The following KLRD1 variants were observed in gnomAD, a reference collection of about 807,000 sequenced individuals.
KLRD1 encodes killer cell lectin like receptor D1, also known as natural killer cells antigen CD94.
A neutral mutation model predicts 22.6 loss-of-function variants in KLRD1; 21 were observed. That is an observed-to-expected ratio of 0.93 (90% CI 0.66 to 1.34). KLRD1 has a LOEUF of 1.34. KLRD1 is among the 40% of genes most tolerant of loss of function. The pLI, the probability that KLRD1 is intolerant of heterozygous loss-of-function variation, is 0.00. For missense variants in KLRD1, 183 were observed against 208.6 expected, an observed-to-expected ratio of 0.88 and a Z score of 0.76; for synonymous variants, 59 against 71.1, an observed-to-expected ratio of 0.83 and a Z score of 0.85.
intron 1 of KLRD1, among the ~76,000 whole-genome samples, chr12:10,285,944 CCTT>C (rs1328662854): frequency 1.3e-5 from 2 of 152,178 alleles, no homozygotes; most frequent in Admixed American, 6.5e-5. Context: ...CTTCTCTCCT[CCTT>C]AAGCTGTGTC....
chr12:10,256,442 T>C (rs6488278), intron 1 of KLRD1, among the ~76,000 whole-genome samples: 111,329 of 136,950 alleles, frequency 0.81, 48,866 homozygotes, highest in Non-Finnish European at 0.97. Flanking sequence ...TTTTTTTTTT[T>C]GTAGAGACAC....
chr12:10,280,837 G>A (rs1419288515), intron 1 of KLRD1, among the ~76,000 whole-genome samples: 4 of 152,118 alleles, frequency 2.6e-5, no homozygotes, highest in Non-Finnish European at 5.9e-5. Context: ...AGCCTGTGGT[G>A]GTAGAGTTGT....
intron 1 of KLRD1, among the ~76,000 whole-genome samples, chr12:10,277,526 T>G (rs1949603232): frequency 6.6e-6 from 1 of 152,154 alleles, no homozygotes; most frequent in African/African-American, 2.4e-5. Flanking sequence ...AAGCTGAATT[T>G]GTGAATTTGG....
intron 1 of KLRD1, among the ~76,000 whole-genome samples, chr12:10,254,546 G>A (rs2927559): frequency 0.038 from 5,786 of 151,242 alleles, 386 homozygotes; most frequent in African/African-American, 0.13. Context: ...CCAGCATCTC[G>A]AAGGAACTTA....
intron 1 of KLRD1, among the ~76,000 whole-genome samples, chr12:10,268,848 T>C (rs1949523618): frequency 6.6e-6 from 1 of 152,220 alleles, no homozygotes; most frequent in African/African-American, 2.4e-5. Flanking sequence ...TTATTTCCTT[T>C]TCTCCTATTG....
At chr12:10,250,027 C>T (rs954950552) in intron 1 of KLRD1, among the ~76,000 whole-genome samples, 3 of 152,112 alleles carry the variant, frequency 2.0e-5, no homozygotes, top group Non-Finnish European at 4.4e-5. Flanking sequence ...ACTTGTTGTA[C>T]ATACGTTGTC....
intron 1 of KLRD1, chr12:10,308,461 C>A (rs1307884495): frequency 8.9e-6 from 2 of 224,370 alleles, no homozygotes; most frequent in Admixed American, 5.1e-5. Context: ...GTTGTGACAT[C>A]CAAAAATTAC....
chr12:10,316,022 T>C lies in KLRD1; in HGVS notation c.*1229T>C, dbSNP rs1950216421. 6.8e-6 allele frequency: 1 copy of C among 146,874 alleles called. No homozygotes were observed. Among genetic ancestry groups the C allele is most frequent in the Admixed American group, 7.0e-5 (1 of 14,206 alleles). 9.1% of individuals were successfully genotyped at this position (146,874 alleles called of 1,614,324 possible). A position where few individuals can be genotyped will look rare whatever the true frequency, so the allele number is the denominator to read the frequency against. ...AATCCCAGCTATTTGGGAGGCTGAG[T>C]CGAGAGGATCGCTTGAACCTAGGAG... On this transcript the variant is annotated 3_prime_UTR_variant, in exon 6 of 6. Coordinates refer to ENST00000336164, the MANE Select transcript of KLRD1 (RefSeq NM_002262.5).
At chr12:10,270,942 C>G (rs1019259782) in intron 1 of KLRD1, among the ~76,000 whole-genome samples, 2 of 152,030 alleles carry the variant, frequency 1.3e-5, no homozygotes, top group African/African-American at 4.8e-5. Context: ...TACCACCATG[C>G]CCGGCTAATT....
upstream of KLRD1, among the ~76,000 whole-genome samples, chr12:10,300,297 A>G (rs1244592362): frequency 2.0e-5 from 3 of 152,236 alleles, no homozygotes; most frequent in African/African-American, 7.2e-5. Flanking sequence ...TTAAAAGTTG[A>G]AATGACTCCT....
At chr12:10,286,224 G>A (rs1949701241) in intron 1 of KLRD1, among the ~76,000 whole-genome samples, 1 of 152,180 alleles carries the variant, frequency 6.6e-6, no homozygotes, top group Non-Finnish European at 1.5e-5. Context: ...AGGTCTCACA[G>A]GGGTCCAGGG....
In KLRD1 at chr12:10,325,886, C is replaced by T. The variant is rs781773364; in HGVS notation, c.*11093C>T. The T allele has an allele frequency of 1.3e-5, 2 of 152,092 alleles. No individual in the cohort carries two copies. Among genetic ancestry groups the T allele is most frequent in the Non-Finnish European group, 2.9e-5 (2 of 68,020 alleles). The allele number at this position is 152,092 out of a possible 1,614,324, so 9.4% of individuals were successfully genotyped here. A position where few individuals can be genotyped will look rare whatever the true frequency, so the allele number is the denominator to read the frequency against. On this transcript the variant is annotated 3_prime_UTR_variant, in exon 6 of 6. Transcript: ENST00000336164. ...TATTTTTAATTTTTTGAGAAATCAC[C>T]ATCCTGTTTTCCACAGAAGCAGCAC...
chr12:10,312,964 G>A lies in KLRD1; in HGVS notation c.316-446G>A, dbSNP rs373718535. 7.9e-5 allele frequency among the ~76,000 whole-genome samples: 12 copies of A among 151,772 alleles called. No individual in the cohort carries two copies. In the East Asian group the frequency reaches 2.2e-3, roughly 27 times the overall value. ...ATCGTCCCACTGCACTCCAGCCTGGGCGACAGAGCAAGACTCCCTCTCAAC... is the reference window on the plus strand; with the variant it reads ...ATCGTCCCACTGCACTCCAGCCTGGACGACAGAGCAAGACTCCCTCTCAAC... On this transcript the variant is annotated intron_variant, in intron 4 of 5. Transcript: ENST00000336164.
upstream of KLRD1, among the ~76,000 whole-genome samples, chr12:10,304,144 A>G (rs371944201): frequency 1.3e-5 from 2 of 152,308 alleles, no homozygotes; most frequent in South Asian, 2.1e-4. Flanking sequence ...CAGTTATACA[A>G]TAATTGTGAG....
At chr12:10,283,172 C>G (rs757076708) in intron 1 of KLRD1, among the ~76,000 whole-genome samples, 10 of 152,164 alleles carry the variant, frequency 6.6e-5, no homozygotes, top group Admixed American at 1.3e-4. Context: ...CTAGAGGAAA[C>G]AAGGGAGCAG....
In KLRD1 at chr12:10,320,361, T is replaced by C. The variant is rs973903378; in HGVS notation, c.*5568T>C. The stretch of plus-strand genomic sequence containing the variant: ...ACTGAAACCTTCTAGTATGGGCTTA[T>C]AGTAGGGAAGTGAAAACATATTAGA... On this transcript the variant is annotated 3_prime_UTR_variant, in exon 6 of 6. Transcript: ENST00000336164. The C allele has an allele frequency of 6.6e-6, 1 of 152,048 alleles. No homozygotes were observed. The highest frequency in any genetic ancestry group is 1.5e-5 in the Non-Finnish European group (1 of 68,024). 9.4% of individuals were successfully genotyped at this position (152,048 alleles called of 1,614,324 possible).
intron 1 of KLRD1, among the ~76,000 whole-genome samples, chr12:10,253,372 C>T (rs1592027489): frequency 2.0e-5 from 3 of 151,882 alleles, no homozygotes; most frequent in African/African-American, 2.4e-5. Flanking sequence ...GTTTTCATTG[C>T]AATGTCTTCG....
At chr12:10,273,722 A>G (rs1949568584) in intron 1 of KLRD1, among the ~76,000 whole-genome samples, 1 of 152,156 alleles carries the variant, frequency 6.6e-6, no homozygotes, top group African/African-American at 2.4e-5. Context: ...TCATATATAC[A>G]TGGATTAAAT....
chr12:10,301,311 T>C (rs1949864140), upstream of KLRD1, among the ~76,000 whole-genome samples: 1 of 152,202 alleles, frequency 6.6e-6, no homozygotes, highest in Admixed American at 6.5e-5. Flanking sequence ...TGTTTGAGGT[T>C]GTTCTTTAGG....
Sources: gnomAD v4.1 joint callset for allele counts (sites outside exome capture counted in the v4.1 genomes callset) on GRCh38, gnomAD v4.1.1 for gene constraint, MANE v1.5 for transcripts, NCBI Gene and HGNC (gene_info 2026-07-23, HGNC 2026-07-21) for gene names.